The following ZNF93 variants were observed in gnomAD, a reference collection of about 807,000 sequenced individuals.
ZNF93 encodes the protein zinc finger protein 93, also known as zinc finger protein 505.
ZNF93 carries 29 observed loss-of-function variants against 45.0 expected under a neutral mutation model. The observed-to-expected ratio is 0.64, with a 90% CI of 0.48 to 0.88. The LOEUF (loss-of-function observed/expected upper bound fraction) is 0.88. Among genes scored for constraint, ZNF93 ranks in the 40% least tolerant of loss-of-function variants. The probability of loss-of-function intolerance (pLI) is 0.00; values close to 1 mark genes in which losing one functional copy is unlikely to be tolerated. For missense variants in ZNF93, 578 were observed against 724.0 expected, an observed-to-expected ratio of 0.80 and a Z score of 2.31; for synonymous variants, 223 against 244.6, an observed-to-expected ratio of 0.91 and a Z score of 0.82.
intron 3 of ZNF93, among the ~76,000 whole-genome samples, chr19:19,925,654 AAT>A (rs2063353804): frequency 2.0e-5 from 3 of 152,226 alleles, no homozygotes; most frequent in Admixed American, 2.0e-4. Context: ...TATTTACGAA[AAT>A]AGTTACTTGT....
rs1280431972 is a variant in ZNF93 at position 19,934,823 on chromosome 19, G to C, written c.*5G>C. On this transcript the variant is annotated 3_prime_UTR_variant, in exon 4 of 4. Transcript: ENST00000343769. ...CATACTGGGGAGAAACCCTAGAAGT[G>C]TGAAGAATGTGGCAAAGCCTTCAAG... 1 of 1,589,082 alleles carries C rather than the reference G, an allele frequency of 6.3e-7. No individual in the cohort carries two copies. The highest frequency in any genetic ancestry group is 8.6e-7 in the Non-Finnish European group (1 of 1,169,352).
intron 3 of ZNF93, among the ~76,000 whole-genome samples, chr19:19,924,776 GA>G (rs1274136491): frequency 6.6e-6 from 1 of 151,710 alleles, no homozygotes; most frequent in Admixed American, 6.6e-5. Flanking sequence ...TTTTAGTAGA[GA>G]GGGGGTTTCT....
intron 1 of ZNF93, among the ~76,000 whole-genome samples, chr19:19,905,857 G>C (rs1235025730): frequency 6.6e-6 from 1 of 152,044 alleles, no homozygotes; most frequent in African/African-American, 2.4e-5. Flanking sequence ...CTCCCAAAGT[G>C]CTGGGATTAC....
chr19:19,932,835 C>G (rs1006248604), intron 3 of ZNF93: 1 of 158,208 alleles, frequency 6.3e-6, no homozygotes, highest in African/African-American at 2.4e-5. Flanking sequence ...ATTCCATATA[C>G]TTTTAAATTT....
chr19:19,905,455 C>T (rs1286035655), intron 1 of ZNF93, among the ~76,000 whole-genome samples: 5 of 152,026 alleles, frequency 3.3e-5, no homozygotes, highest in African/African-American at 1.2e-4. Flanking sequence ...TTGTAAATAA[C>T]AACATGCATT....
Position 19,933,641 on chromosome 19 carries a change from A to G in ZNF93, c.686A>G (p.Tyr229Cys), listed in dbSNP as rs375783215. Residue 229 changes from tyrosine (Y) to cysteine (C), a missense_variant, in exon 4 of 4, where the codon TAC (tyrosine) becomes TGC (cysteine). Physicochemically the swap from Tyr to Cys is radical, Grantham distance 194. Coordinates refer to ENST00000343769, the MANE Select transcript of ZNF93 (RefSeq NM_031218.4). ...AGAATTCATACTGGAGAGAAACCAT[A>G]CAAGTGTGATAAATGTGACAAAGCC... is the stretch of plus-strand genomic sequence containing the variant. ...HKRIHTGEKPYKCDKCDKAFI... is the reference protein window; with the variant it reads ...HKRIHTGEKPCKCDKCDKAFI... 16 of 1,611,840 alleles carry G rather than the reference A, an allele frequency of 9.9e-6. No individual in the cohort carries two copies. In the African/African-American group the frequency reaches 1.7e-4, roughly 18 times the overall value.
chr19:19,933,642 C>T lies in ZNF93; in HGVS notation c.687C>T (p.Tyr229=). Residue 229 remains tyrosine (Y), a synonymous_variant, in exon 4 of 4, where the codon TAC becomes TAT. Transcript: ENST00000343769. ...GAATTCATACTGGAGAGAAACCATA[C>T]AAGTGTGATAAATGTGACAAAGCCT... The part of the protein sequence containing the change: ...HKRIHTGEKP[Y]KCDKCDKAFI... 6.2e-7 allele frequency: 1 copy of T among 1,611,822 alleles called. No homozygotes were observed.
intron 1 of ZNF93, among the ~76,000 whole-genome samples, chr19:19,912,038 C>G (rs755389798): frequency 6.6e-6 from 1 of 152,078 alleles, no homozygotes; most frequent in Admixed American, 6.6e-5. Flanking sequence ...CATGACCCAC[C>G]GCGCTTGGCC....
At chr19:19,925,495 C>T (rs946573139) in intron 3 of ZNF93, among the ~76,000 whole-genome samples, 2 of 152,164 alleles carry the variant, frequency 1.3e-5, no homozygotes, top group African/African-American at 4.8e-5. Flanking sequence ...TTAATCTTTT[C>T]ATCTTACTGA....
In ZNF93 at chr19:19,900,979, C is replaced by T. The variant is rs910214223; in HGVS notation, c.-110C>T. On this transcript the variant is annotated 5_prime_UTR_variant, in exon 1 of 4. Transcript: ENST00000343769. ...GTGCAGCCGGAGCTCCAGGTCTCCT[C>T]TTCACTACTCTGTGTCCTGTGCTCC... is the stretch of plus-strand genomic sequence containing the variant. 1.9e-6 allele frequency: 3 copies of T among 1,545,674 alleles called. No individual in the cohort carries two copies. In the African/African-American group the frequency reaches 4.1e-5, roughly 21 times the overall value.
chr19:19,931,281 C>G (rs1275366139), intron 3 of ZNF93, among the ~76,000 whole-genome samples: 1 of 151,528 alleles, frequency 6.6e-6, no homozygotes, highest in Non-Finnish European at 1.5e-5. Flanking sequence ...CCTTCACCTC[C>G]CAGTTTCAAG....
intron 1 of ZNF93, among the ~76,000 whole-genome samples, chr19:19,906,191 G>A (rs189907120): frequency 6.0e-4 from 91 of 152,184 alleles, no homozygotes; most frequent in Non-Finnish European, 1.1e-3. Context: ...CACCTTGCCA[G>A]TATCTGTTAC....
In ZNF93 at chr19:19,935,013, C is replaced by T. The variant is rs904633648; in HGVS notation, c.*195C>T. On this transcript the variant is annotated 3_prime_UTR_variant, in exon 4 of 4. Coordinates refer to ENST00000343769, the MANE Select transcript of ZNF93 (RefSeq NM_031218.4). ...GGCCTGCAGACCTTGGCCTTTACTA[C>T]GGTACCTGAAGTGGTTCAATGACTC... is the stretch of plus-strand genomic sequence containing the variant. The T allele has an allele frequency of 4.1e-5, 24 of 585,752 alleles. No individual in the cohort carries two copies. The highest frequency in any genetic ancestry group is 1.5e-4 in the South Asian group (6 of 38,750). 36.3% of individuals were successfully genotyped at this position (585,752 alleles called of 1,614,324 possible).
At chr19:19,918,107 C>A (rs567468242) in intron 3 of ZNF93, among the ~76,000 whole-genome samples, 1 of 151,940 alleles carries the variant, frequency 6.6e-6, no homozygotes, top group Non-Finnish European at 1.5e-5. Context: ...CCCGTCCCCC[C>A]ACCCCACAAC....
At chr19:19,916,788 G>T (rs2063325693) in intron 3 of ZNF93, 133 bp downstream of exon 3, 1 of 636,770 alleles carries the variant, frequency 1.6e-6, no homozygotes, top group Non-Finnish European at 2.6e-6. Context: ...GCTGTTTTTT[G>T]TTTTTGTTTC....
intron 3 of ZNF93, among the ~76,000 whole-genome samples, chr19:19,924,486 T>C (rs1254508816): frequency 1.3e-5 from 2 of 152,224 alleles, no homozygotes; most frequent in African/African-American, 2.4e-5. Context: ...TAGTTTTGTA[T>C]TGGTGTCTGA....
intron 3 of ZNF93, among the ~76,000 whole-genome samples, chr19:19,929,609 C>T (rs1219748081): frequency 6.6e-6 from 1 of 152,196 alleles, no homozygotes; most frequent in Non-Finnish European, 1.5e-5. Flanking sequence ...ACCAGCCCCA[C>T]AGGATTAGTG....
chr19:19,923,571 C>T (rs1175908181), intron 3 of ZNF93, among the ~76,000 whole-genome samples: 2 of 152,154 alleles, frequency 1.3e-5, no homozygotes, highest in Non-Finnish European at 2.9e-5. Flanking sequence ...CCACGCAGTT[C>T]GAGCTTCCTG....
chr19:19,929,563 C>T (rs566112050), intron 3 of ZNF93, among the ~76,000 whole-genome samples: 2 of 152,270 alleles, frequency 1.3e-5, no homozygotes, highest in South Asian at 2.1e-4. Context: ...TACATTCCTG[C>T]TAAATCAACT....
Sources: gnomAD v4.1 joint callset for allele counts (sites outside exome capture counted in the v4.1 genomes callset) on GRCh38, gnomAD v4.1.1 for gene constraint, MANE v1.5 for transcripts, NCBI Gene and HGNC (gene_info 2026-07-23, HGNC 2026-07-21) for gene names.